KCNN1: variants seen among roughly 807,000 people sequenced by gnomAD.
The protein encoded by KCNN1 is potassium calcium-activated channel subfamily N member 1.
KCNN1 carries 20 observed loss-of-function variants against 44.7 expected under a neutral mutation model. The observed-to-expected ratio is 0.45, with a 90% confidence interval of 0.32 to 0.65. KCNN1 has a LOEUF of 0.65. KCNN1 is among the 30% of genes least tolerant of loss of function. The pLI is 0.05. For missense variants in KCNN1, 632 were observed against 785.3 expected (o/e 0.80, Z 2.33); for synonymous variants, 324 against 341.7 (o/e 0.95, Z 0.57).
chr19:17,978,789 T>C (rs1048647210), intron 3 of KCNN1, among the ~76,000 whole-genome samples: 1 of 149,436 alleles, frequency 6.7e-6, no homozygotes, highest in African/African-American at 2.5e-5. Context: ...ACACAGTGAC[T>C]CACGCCTGTA....
upstream of KCNN1, among the ~76,000 whole-genome samples, chr19:17,966,316 G>C (rs1488899358): frequency 6.6e-6 from 1 of 152,176 alleles, no homozygotes; most frequent in Admixed American, 6.5e-5. Context: ...GGGTGAGGCA[G>C]AGGCAGAGGC....
At position 17,974,408 on chromosome 19, in the gene KCNN1, C is replaced by T. The variant is rs1476934265; in HGVS notation, c.402+118C>T. ...GGAGATAGGGAGTGTTAGGGGGCTCCCGGAGGTGAGGGCTCCCTGGCCTTC... is the reference window on the plus strand; with the variant it reads ...GGAGATAGGGAGTGTTAGGGGGCTCTCGGAGGTGAGGGCTCCCTGGCCTTC... On this transcript the variant is annotated intron_variant, in intron 2 of 9. Transcript: ENST00000684775. This position sits in a 1 kb window ranked among gnomAD's most constrained non-coding sequence, Gnocchi z 7.3. 3.3e-6 allele frequency: 4 copies of T among 1,203,862 alleles called. No homozygotes were observed. The East Asian group carries it at 8.1e-5, about 24-fold the overall frequency. 74.6% of individuals were successfully genotyped at this position (1,203,862 alleles called of 1,614,324 possible).
In KCNN1 at chr19:17,975,094, G is replaced by C; in HGVS notation, c.405G>C (p.Glu135Asp). The change falls in exon 3 of 10, where the codon GAG becomes GAC. Residue 135 changes from glutamate to aspartate, a missense_variant and splice_region_variant. By Grantham distance (45) the Glu-to-Asp change is conservative (BLOSUM62 2). Transcript: ENST00000684775. ...TELSWGVYTK[E>D]SLYSFALKCL... ...GCTGTGTCCTCTCTCTTTACCAGGA[G>C]TCTCTGTACTCATTCGCACTCAAAT... The C allele has an allele frequency of 6.2e-7, 1 of 1,613,106 alleles. No individual in the cohort carries two copies. Among genetic ancestry groups the C allele is most frequent in the Non-Finnish European group, 8.5e-7 (1 of 1,179,162 alleles).
intron 1 of KCNN1, among the ~76,000 whole-genome samples, chr19:17,971,804 T>C (rs1380479058): frequency 6.6e-6 from 1 of 150,414 alleles, no homozygotes; most frequent in Non-Finnish European, 1.5e-5. Flanking sequence ...AGTTTCCCCA[T>C]CTGTAAAACT....
In KCNN1 at chr19:17,974,143, A is replaced by G. The variant is rs766592563; in HGVS notation, c.255A>G (p.Lys85=). 209 of 1,613,188 alleles carry G rather than the reference A, an allele frequency of 1.3e-4. No individual in the cohort carries two copies. The highest frequency in any genetic ancestry group is 1.7e-4 in the Non-Finnish European group (198 of 1,179,838). ...DEAGRQRASG[K]PSNVGHRLGH... ...CCGGCAGGCAGAGAGCCTCGGGGAA[A>G]CCCTCAAATGTGGGCCACCGCCTGG... Residue 85 remains lysine (K), a synonymous_variant, in exon 2 of 10, where the codon AAA becomes AAG. Transcript: ENST00000684775. This position sits in a 1 kb window ranked among gnomAD's most constrained non-coding sequence, Gnocchi z 7.3.
chr19:17,961,578 CTTTCTTTCT>C (rs1298119335), intron 2 of KCNN1, among the ~76,000 whole-genome samples: 1 of 77,806 alleles, frequency 1.3e-5, no homozygotes, highest in Non-Finnish European at 2.6e-5. Context: ...TTCTTTCTTT[CTTTCTTTCT>C]TTTTTTTTTT....
chr19:17,985,202 G>A, intron 4 of KCNN1, 110 bp from the exon 5 acceptor site: 2 of 1,075,598 alleles, frequency 1.9e-6, no homozygotes, highest in East Asian at 2.8e-5. Context: ...CCCCAACGCA[G>A]CGAGGTGGAC....
intron 7 of KCNN1, among the ~76,000 whole-genome samples, chr19:17,992,572 G>A (rs963145423): frequency 2.0e-5 from 3 of 152,132 alleles, no homozygotes; most frequent in South Asian, 4.1e-4. Context: ...CTGCACTCCC[G>A]CCTGGGTGAC....
chr19:17,986,086 C>G (rs1028248694), intron 5 of KCNN1, among the ~76,000 whole-genome samples: 2 of 152,070 alleles, frequency 1.3e-5, no homozygotes, highest in Non-Finnish European at 2.9e-5. Flanking sequence ...ACAAAAATAG[C>G]CGGGAGTGGT....
upstream of KCNN1, among the ~76,000 whole-genome samples, chr19:17,965,264 ACT>A (rs35697588): frequency 0.2 from 28,818 of 145,662 alleles, 3,009 homozygotes; most frequent in East Asian, 0.37. Flanking sequence ...ACAAAGTGAG[ACT>A]CTGTCTCAAA....
At position 17,967,168 on chromosome 19, in the gene KCNN1, C is replaced by T. The variant is rs2031841111; in HGVS notation, c.-231C>T. 7.4e-6 allele frequency: 7 copies of T among 942,970 alleles called. No individual in the cohort carries two copies. The highest frequency in any genetic ancestry group is 8.8e-6 in the Non-Finnish European group (7 of 793,556). 58.4% of individuals were successfully genotyped at this position (942,970 alleles called of 1,614,324 possible). On this transcript the variant is annotated 5_prime_UTR_variant, in exon 1 of 10. Coordinates refer to ENST00000684775, the MANE Select transcript of KCNN1 (RefSeq NM_001386974.1). Reference sequence around the variant, plus strand: ...GCGGGGGATGCGCCTGCCGCCGCCGCCCCCGGCCCCGCCGCCCCCGGGCCC... The same window carrying T: ...GCGGGGGATGCGCCTGCCGCCGCCGTCCCCGGCCCCGCCGCCCCCGGGCCC...
At chr19:17,989,875 T>G (rs1180118494) in intron 7 of KCNN1, 32 bp downstream of exon 7, 1 of 1,610,544 alleles carries the variant, frequency 6.2e-7, no homozygotes, top group East Asian at 2.2e-5. Context: ...CTCACGTTTC[T>G]GTGTCCACAT....
chr19:17,987,013 G>T (rs2032622376), intron 5 of KCNN1, among the ~76,000 whole-genome samples: 1 of 148,376 alleles, frequency 6.7e-6, no homozygotes, highest in African/African-American at 2.5e-5. Flanking sequence ...CATCATGCTG[G>T]CCAGTCTGGT....
At chr19:17,969,525 A>G (rs889882651) in intron 1 of KCNN1, among the ~76,000 whole-genome samples, 3 of 152,032 alleles carry the variant, frequency 2.0e-5, no homozygotes, top group Admixed American at 6.5e-5. Flanking sequence ...CCCTCTTGGA[A>G]GCCACCTGCC....
In KCNN1 at chr19:17,988,523, C is replaced by T. The variant is rs1474735801; in HGVS notation, c.1168C>T (p.Arg390Trp). 2.5e-6 allele frequency: 4 copies of T among 1,610,480 alleles called. No individual in the cohort carries two copies. Among genetic ancestry groups the T allele is most frequent in the Non-Finnish European group, 3.4e-6 (4 of 1,177,196 alleles). Residue 390 changes from arginine (R) to tryptophan (W), a missense_variant and splice_region_variant, in exon 6 of 10, where the codon CGG becomes TGG. Physicochemically the swap from Arg to Trp is moderately radical, Grantham distance 101. Transcript: ENST00000684775. ...CATGATGGACACTCAGCTCACCAAG[C>T]GGGTGAGGACCGCGGTTCCCATGGA... Reference protein sequence around the residue: ...NFMMDTQLTKRVKNAAANVLR... With the variant: ...NFMMDTQLTKWVKNAAANVLR...
At chr19:17,988,318 C>A (rs373797411) in intron 5 of KCNN1, 97 bp from the exon 6 acceptor site, 1 of 936,928 alleles carries the variant, frequency 1.1e-6, no homozygotes, top group Non-Finnish European at 1.7e-6. Context: ...ACACTGCTGG[C>A]TCAGAGAATG....
At chr19:17,981,152 G>C (rs761134479) in intron 3 of KCNN1, among the ~76,000 whole-genome samples, 3 of 152,094 alleles carry the variant, frequency 2.0e-5, no homozygotes, top group Non-Finnish European at 4.4e-5. Context: ...GGGAGGCAGA[G>C]GTTGCCAAGA....
intron 3 of KCNN1, among the ~76,000 whole-genome samples, chr19:17,978,481 A>G (rs2145936535): frequency 6.8e-6 from 1 of 147,998 alleles, no homozygotes; most frequent in African/African-American, 2.5e-5. Flanking sequence ...AGGCTGGAGT[A>G]CAGTGGTGCA....
chr19:17,962,433 C>T (rs1362774532), upstream of KCNN1, among the ~76,000 whole-genome samples: 1 of 152,156 alleles, frequency 6.6e-6, no homozygotes, highest in Non-Finnish European at 1.5e-5. Flanking sequence ...GTGTATTTAT[C>T]ATATCAAAGC....
Sources: allele counts gnomAD v4.1 joint callset (sites outside exome capture counted in the v4.1 genomes callset), GRCh38; gene constraint gnomAD v4.1.1; non-coding constraint Gnocchi (gnomAD v3.1); transcripts MANE v1.5; gene names NCBI Gene and HGNC (gene_info 2026-07-23, HGNC 2026-07-21).